EYS: variants seen among roughly 807,000 people sequenced by gnomAD.
EYS encodes the protein protein eyes shut homolog.
In EYS, 250 loss-of-function variants were observed where a neutral mutation model predicts 282.1. The observed-to-expected ratio is 0.89, with a 90% CI of 0.80 to 0.98. EYS has a LOEUF of 0.98. EYS is among the 50% of genes least tolerant of loss of function. The pLI is 0.00. For synonymous variants in EYS, 1,355 were observed against 1,282.9 expected (o/e 1.06, Z -1.20); for missense variants, 4,016 against 3,709.0 (o/e 1.08, Z -2.15).
chr6:65,245,195 A>G (rs1206272749), intron 12 of EYS, among the ~76,000 whole-genome samples: 1 of 152,192 alleles, frequency 6.6e-6, no homozygotes. Flanking sequence ...AGCAGCTCAG[A>G]GCATGCTCAC....
chr6:65,209,988 G>A (rs1482193325), intron 12 of EYS, among the ~76,000 whole-genome samples: 1 of 151,922 alleles, frequency 6.6e-6, no homozygotes, highest in African/African-American at 2.4e-5. Context: ...TAAGAGCAGT[G>A]GGAAGTAATG....
At chr6:64,171,431 T>G (rs1007567643) in intron 31 of EYS, among the ~76,000 whole-genome samples, 1 of 152,194 alleles carries the variant, frequency 6.6e-6, no homozygotes, top group African/African-American at 2.4e-5. Context: ...ATGAATGAGT[T>G]GGTTGAATGA....
At chr6:64,622,700 C>A (rs1644273232) in intron 23 of EYS, among the ~76,000 whole-genome samples, 1 of 152,020 alleles carries the variant, frequency 6.6e-6, no homozygotes, top group Admixed American at 6.6e-5. Flanking sequence ...AGAAAGATTT[C>A]CACAACTGAA....
intron 35 of EYS, among the ~76,000 whole-genome samples, chr6:63,907,797 G>A (rs9450346): frequency 3.3e-5 from 5 of 151,752 alleles, no homozygotes; most frequent in South Asian, 2.1e-4. Context: ...CAGCTCCAGC[G>A]CCTATCATTC....
At chr6:63,933,092 G>A (rs184226571) in intron 35 of EYS, among the ~76,000 whole-genome samples, 126 of 152,334 alleles carry the variant, frequency 8.3e-4, no homozygotes, top group African/African-American at 2.8e-3. Context: ...CATAGGGCAA[G>A]GCATGTGGAA....
chr6:64,023,448 A>G (rs1056252530), intron 33 of EYS, among the ~76,000 whole-genome samples: 5 of 152,256 alleles, frequency 3.3e-5, no homozygotes, highest in African/African-American at 4.8e-5. Context: ...GTAGTGTACC[A>G]TTTTACGCTG....
chr6:64,528,719 C>T (rs970162432), intron 26 of EYS, among the ~76,000 whole-genome samples: 4 of 151,914 alleles, frequency 2.6e-5, no homozygotes, highest in African/African-American at 9.7e-5. Flanking sequence ...CTAATTACTC[C>T]TGGGTAATTT....
At chr6:65,231,318 A>T (rs1207763963) in intron 12 of EYS, among the ~76,000 whole-genome samples, 1 of 151,098 alleles carries the variant, frequency 6.6e-6, no homozygotes, top group Non-Finnish European at 1.5e-5. Context: ...TAAAATATAT[A>T]AAAATCACAC....
At chr6:65,678,673 G>T (rs984063740) in intron 1 of EYS, among the ~76,000 whole-genome samples, 1 of 151,748 alleles carries the variant, frequency 6.6e-6, no homozygotes, top group Admixed American at 6.6e-5. Context: ...AAGGCAACCT[G>T]TAGAATAGAA....
intron 40 of EYS, among the ~76,000 whole-genome samples, chr6:63,764,990 C>T (rs1311410724): frequency 1.3e-5 from 2 of 151,738 alleles, no homozygotes; most frequent in African/African-American, 4.8e-5. Context: ...TTTTTCTAAC[C>T]CTTGATGTTA....
chr6:65,106,488 T>C (rs1775042292), intron 12 of EYS, among the ~76,000 whole-genome samples: 1 of 151,988 alleles, frequency 6.6e-6, no homozygotes, highest in Non-Finnish European at 1.5e-5. Context: ...ATTTTACACA[T>C]TAGAAAACTG....
chr6:64,820,585 C>A (rs1374506526), intron 21 of EYS, among the ~76,000 whole-genome samples: 1 of 152,038 alleles, frequency 6.6e-6, no homozygotes, highest in Non-Finnish European at 1.5e-5. Flanking sequence ...GATAATTATG[C>A]TTTTTAAAAC....
chr6:65,566,525 C>A (rs528901027), intron 2 of EYS, among the ~76,000 whole-genome samples: 1 of 152,150 alleles, frequency 6.6e-6, no homozygotes, highest in Non-Finnish European at 1.5e-5. Flanking sequence ...ACTCTCATTT[C>A]TGCCTTAAAT....
chr6:64,356,675 G>A (rs1239592078), intron 29 of EYS, among the ~76,000 whole-genome samples: 3 of 151,542 alleles, frequency 2.0e-5, no homozygotes, highest in Non-Finnish European at 3.0e-5. Flanking sequence ...TCTCAGCACA[G>A]GCTTCAGGTT....
intron 36 of EYS, among the ~76,000 whole-genome samples, chr6:63,855,306 G>T (rs1041335773): frequency 1.3e-5 from 2 of 152,136 alleles, no homozygotes; most frequent in African/African-American, 4.8e-5. Context: ...ATCTCCTTGG[G>T]TTATTACACA....
At chr6:65,296,176 T>C in intron 11 of EYS, 57 bp from the exon 12 acceptor site, 2 of 1,396,650 alleles carry the variant, frequency 1.4e-6, no homozygotes, top group South Asian at 2.9e-5. Context: ...TTGATATATT[T>C]AAGTATTTAA....
chr6:64,402,370 T>C (rs1773561567), intron 28 of EYS, among the ~76,000 whole-genome samples: 2 of 152,214 alleles, frequency 1.3e-5, no homozygotes, highest in Non-Finnish European at 2.9e-5. Flanking sequence ...AACTTAGGCT[T>C]TTGATTAAGG....
intron 11 of EYS, among the ~76,000 whole-genome samples, chr6:65,325,066 C>G (rs1192925005): frequency 6.6e-6 from 1 of 152,190 alleles, no homozygotes; most frequent in Non-Finnish European, 1.5e-5. Context: ...AGGTACACCC[C>G]CAGGCAGCTG....
intron 12 of EYS, among the ~76,000 whole-genome samples, chr6:65,181,143 A>G (rs1274246718): frequency 1.3e-5 from 2 of 152,154 alleles, no homozygotes; most frequent in South Asian, 2.1e-4. Context: ...GGACATAGGC[A>G]TCGGCAAGGA....
Sources: gnomAD v4.1 joint callset for allele counts (sites outside exome capture counted in the v4.1 genomes callset) on GRCh38, gnomAD v4.1.1 for gene constraint, MANE v1.5 for transcripts, NCBI Gene and HGNC (gene_info 2026-07-23, HGNC 2026-07-21) for gene names.